Variants in NIBAN2 observed in about 807,000 individuals in gnomAD.
The protein encoded by NIBAN2 is protein Niban 2.
In NIBAN2, 36 loss-of-function variants were observed where a neutral mutation model predicts 81.8. The observed-to-expected ratio is 0.44, with a 90% CI of 0.34 to 0.58. The LOEUF (loss-of-function observed/expected upper bound fraction) is 0.58. NIBAN2 is among the 20% of genes least tolerant of loss of function. The pLI is 0.02. For synonymous variants in NIBAN2, 445 were observed against 441.6 expected (o/e 1.01, Z -0.10); for missense variants, 897 against 1,014.1 (o/e 0.88, Z 1.57).
chr9:127,515,570 C>T (rs1207038126), intron 8 of NIBAN2, among the ~76,000 whole-genome samples: 2 of 149,844 alleles, frequency 1.3e-5, no homozygotes, highest in African/African-American at 4.9e-5. Context: ...GGCACAGTGG[C>T]TCACACCTGT....
rs75975840 is a variant in NIBAN2 at position 127,513,060 on chromosome 9, T to C, written c.974-2727A>G. On this transcript the variant is annotated intron_variant, in intron 8 of 13. Coordinates refer to ENST00000373312, the MANE Select transcript of NIBAN2 (RefSeq NM_022833.4). Reference sequence around the variant, plus strand: ...CGTAAAAAAGAACGAGTTTCAGTCATCTGCAACAACATGGTTGGAGCTGGA... The same window carrying C: ...CGTAAAAAAGAACGAGTTTCAGTCACCTGCAACAACATGGTTGGAGCTGGA... 1.2e-4 allele frequency among the ~76,000 whole-genome samples: 19 copies of C among 152,312 alleles called. No individual in the cohort carries two copies. The East Asian group carries it at 3.7e-3, about 29-fold the overall frequency.
Position 127,531,758 on chromosome 9 carries a change from T to A in NIBAN2, c.76A>T (p.Thr26Ser). 1 of 1,614,194 alleles carries A rather than the reference T, an allele frequency of 6.2e-7. No individual in the cohort carries two copies. The highest frequency in any genetic ancestry group is 8.5e-7 in the Non-Finnish European group (1 of 1,180,030). Reference protein sequence around the residue: ...HIAEKTGKILTEFLQFYEDQY... With the variant: ...HIAEKTGKILSEFLQFYEDQY... The stretch of plus-strand genomic sequence containing the variant: ...TCTTCATAGAACTGGAGGAACTCCG[T>A]CAGGATCTTCCCGGTTTTTTCTGGA... The change falls in exon 2 of 14, where the codon ACG becomes TCG. Residue 26 changes from threonine to serine, a missense_variant. Thr to Ser is a moderately conservative substitution (Grantham distance 58, BLOSUM62 1). Coordinates refer to ENST00000373312, the MANE Select transcript of NIBAN2 (RefSeq NM_022833.4).
chr9:127,525,143 T>C lies in NIBAN2; in HGVS notation c.336A>G (p.Pro112=). 1.9e-6 allele frequency: 3 copies of C among 1,613,696 alleles called. No homozygotes were observed. The highest frequency in any genetic ancestry group is 2.2e-5 in the East Asian group (1 of 44,880). Residue 112 remains proline (P), a synonymous_variant, in exon 4 of 14, where the codon CCA becomes CCG. Coordinates refer to ENST00000373312, the MANE Select transcript of NIBAN2 (RefSeq NM_022833.4). The part of the protein sequence containing the change: ...ENKAAYERQV[P]PRAVINSAGY... ...CTGCACTGTTGATGACGGCTCGTGG[T>C]GGGACCTGCCGCTCATAGGCCTGAG...
intron 1 of NIBAN2, among the ~76,000 whole-genome samples, chr9:127,544,484 C>A (rs1287193580): frequency 6.6e-6 from 1 of 151,786 alleles, no homozygotes; most frequent in African/African-American, 2.4e-5. Context: ...TTCTTTTTTT[C>A]TTTTATTTTT....
intron 2 of NIBAN2, among the ~76,000 whole-genome samples, chr9:127,530,780 A>G (rs1188862191): frequency 2.0e-5 from 3 of 152,046 alleles, no homozygotes; most frequent in African/African-American, 7.2e-5. Flanking sequence ...GACTATCCAG[A>G]CTCTAGAGCC....
At chr9:127,561,961 G>A (rs892271875) in intron 1 of NIBAN2, among the ~76,000 whole-genome samples, 3 of 152,196 alleles carry the variant, frequency 2.0e-5, no homozygotes, top group Non-Finnish European at 2.9e-5. Context: ...GGCAGGGGAA[G>A]GAAAAAGCAG....
At chr9:127,520,574 G>C (rs776622226) in intron 5 of NIBAN2, among the ~76,000 whole-genome samples, 2 of 152,138 alleles carry the variant, frequency 1.3e-5, no homozygotes, top group Non-Finnish European at 2.9e-5. Context: ...GTTAAACAGA[G>C]GGGATGAGGA....
chr9:127,519,550 C>G (rs1450655306), intron 5 of NIBAN2, among the ~76,000 whole-genome samples: 1 of 152,266 alleles, frequency 6.6e-6, no homozygotes, highest in Non-Finnish European at 1.5e-5. Flanking sequence ...AGAGAAAAAG[C>G]CCCTCTCTGG....
At chr9:127,527,737 G>T (rs981284321) in intron 2 of NIBAN2, among the ~76,000 whole-genome samples, 2 of 152,228 alleles carry the variant, frequency 1.3e-5, no homozygotes. Flanking sequence ...TCCGGGCACG[G>T]GGGACACACC....
intron 5 of NIBAN2, among the ~76,000 whole-genome samples, chr9:127,518,727 AG>A (rs1383857179): frequency 2.0e-5 from 3 of 152,226 alleles, no homozygotes; most frequent in African/African-American, 4.8e-5. Flanking sequence ...CCTGGGCCAC[AG>A]TGTAGGGACA....
chr9:127,533,436 G>A (rs968337700), intron 1 of NIBAN2, among the ~76,000 whole-genome samples: 4 of 152,132 alleles, frequency 2.6e-5, no homozygotes, highest in African/African-American at 7.2e-5. Context: ...CAGCCTGGGC[G>A]ACAGAGCGAG....
intron 1 of NIBAN2, among the ~76,000 whole-genome samples, chr9:127,538,311 G>A (rs535214859): frequency 3.3e-5 from 5 of 152,240 alleles, no homozygotes; most frequent in South Asian, 2.1e-4. Flanking sequence ...CCAGGGATAG[G>A]TGCCTATCCA....
In NIBAN2 at chr9:127,511,506, T is replaced by TA. The variant is rs1588152225; in HGVS notation, c.974-1174_974-1173insT. 4.1e-5 allele frequency among the ~76,000 whole-genome samples: 6 copies of TA among 144,930 alleles called. No individual in the cohort carries two copies. The East Asian group carries it at 6.4e-4, about 16-fold the overall frequency. ...AGCCACCGTACCTGGCCAATATTAT[T>TA]TAAAAAAAAAAACCACTGGGGGCAA... On this transcript the variant is annotated intron_variant, in intron 8 of 13. Transcript: ENST00000373312.
chr9:127,537,462 A>T (rs1837300042), intron 1 of NIBAN2, among the ~76,000 whole-genome samples: 1 of 152,254 alleles, frequency 6.6e-6, no homozygotes, highest in Admixed American at 6.5e-5. Context: ...AAGAACCGGG[A>T]CAAGAATCAC....
chr9:127,567,646 G>A lies in NIBAN2; in HGVS notation c.55+1174C>T, dbSNP rs145401474. 4.0e-4 allele frequency among the ~76,000 whole-genome samples: 61 copies of A among 152,324 alleles called. 1 individual carries two copies. The East Asian group carries it at 7.5e-3, about 19-fold the overall frequency. On this transcript the variant is annotated intron_variant, in intron 1 of 13. Coordinates refer to ENST00000373312, the MANE Select transcript of NIBAN2 (RefSeq NM_022833.4). ...CAGGGCTTCCTGCTCTCAAGGGAGCGTGGAGAACACGGTGGTGAAATTCTA... is the reference window on the plus strand; with the variant it reads ...CAGGGCTTCCTGCTCTCAAGGGAGCATGGAGAACACGGTGGTGAAATTCTA...
At chr9:127,528,884 A>G (rs1837127031) in intron 2 of NIBAN2, among the ~76,000 whole-genome samples, 1 of 152,206 alleles carries the variant, frequency 6.6e-6, no homozygotes, top group Non-Finnish European at 1.5e-5. Flanking sequence ...CCGGGACACA[A>G]GGACGGGCAC....
upstream of NIBAN2, among the ~76,000 whole-genome samples, chr9:127,573,484 G>T (rs577170607): frequency 1.9e-4 from 28 of 145,248 alleles, no homozygotes; most frequent in African/African-American, 6.7e-4. Flanking sequence ...AATAAACATA[G>T]TCATCAGCAC....
rs1281635072 is a variant in NIBAN2 at position 127,540,871 on chromosome 9, C to T, written c.56-9093G>A. On this transcript the variant is annotated intron_variant, in intron 1 of 13. Coordinates refer to ENST00000373312, the MANE Select transcript of NIBAN2 (RefSeq NM_022833.4). The stretch of plus-strand genomic sequence containing the variant: ...CAGTGGGCTCCAGGGACACACCTCA[C>T]CCACGAGGCCCAGCCCGGTTTCAGG... Among the ~76,000 whole-genome samples, 5 of 152,194 alleles carry T rather than the reference C, an allele frequency of 3.3e-5. No individual in the cohort carries two copies. The East Asian group carries it at 9.7e-4, about 29-fold the overall frequency.
chr9:127,577,984 T>G (rs2132250927), intron 1 of NIBAN2, among the ~76,000 whole-genome samples: 1 of 151,742 alleles, frequency 6.6e-6, no homozygotes, highest in South Asian at 2.1e-4. Context: ...ATGTCAGGAA[T>G]TTGAGACCAG....
Sources: allele counts gnomAD v4.1 joint callset (sites outside exome capture counted in the v4.1 genomes callset), GRCh38; gene constraint gnomAD v4.1.1; transcripts MANE v1.5; gene names NCBI Gene and HGNC (gene_info 2026-07-23, HGNC 2026-07-21).